Variants in CDH7 observed in about 807,000 individuals in gnomAD.
CDH7 encodes cadherin 7, also known as cadherin-7.
In CDH7, 25 loss-of-function variants were observed where a neutral mutation model predicts 71.8. The observed-to-expected ratio is 0.35, with a 90% CI of 0.25 to 0.49. The LOEUF is 0.49. CDH7 is among the 20% of genes least tolerant of loss of function. CDH7 has a pLI of 0.99. For missense variants in CDH7, 862 were observed against 974.6 expected (o/e 0.88, Z 1.54); for synonymous variants, 381 against 363.8 (o/e 1.05, Z -0.54).
At chr18:65,841,464 T>A (rs1912730265) in intron 6 of CDH7, among the ~76,000 whole-genome samples, 1 of 152,190 alleles carries the variant, frequency 6.6e-6, no homozygotes, top group African/African-American at 2.4e-5. Context: ...ACAAATCGGA[T>A]TTCTAAGTAT....
At chr18:65,752,336 A>C (rs995649895) in intron 1 of CDH7, among the ~76,000 whole-genome samples, 2 of 152,258 alleles carry the variant, frequency 1.3e-5, no homozygotes, top group Non-Finnish European at 2.9e-5. Context: ...TGTGTATTTT[A>C]AGAGTTTAAG....
intron 2 of CDH7, among the ~76,000 whole-genome samples, chr18:65,763,591 G>A (rs917165825): frequency 1.4e-4 from 12 of 87,030 alleles, no homozygotes; most frequent in Admixed American, 1.9e-4. Flanking sequence ...GTTTTGATAG[G>A]GGGGTGTGTG....
intron 2 of CDH7, among the ~76,000 whole-genome samples, chr18:65,793,280 A>G (rs1910779937): frequency 6.6e-6 from 1 of 151,944 alleles, no homozygotes; most frequent in African/African-American, 2.4e-5. Context: ...AAAAAATATA[A>G]AAATTGGCTG....
rs146525397 is a variant in CDH7 at position 65,777,759 on chromosome 18, A to T, written c.210+14707A>T. Among the ~76,000 whole-genome samples, 736 of 152,256 alleles carry T rather than the reference A, an allele frequency of 4.8e-3. 5 individuals are homozygous for T. Among genetic ancestry groups the T allele is most frequent in the African/African-American group, 0.017 (694 of 41,544 alleles). On this transcript the variant is annotated intron_variant, in intron 2 of 11. Transcript: ENST00000397968. ...AGTATATAAGAATATGGCCATTACA[A>T]GTGCCACCTTTGTTGGTTTGTTGCA...
rs184196467 is a variant in CDH7 at position 65,839,381 on chromosome 18, G to A, written c.982-4431G>A. Among the ~76,000 whole-genome samples, 246 of 152,218 alleles carry A rather than the reference G, an allele frequency of 1.6e-3. 2 individuals carry two copies. The highest frequency in any genetic ancestry group is 5.7e-3 in the African/African-American group (235 of 41,536). On this transcript the variant is annotated intron_variant, in intron 6 of 11. Transcript: ENST00000397968. ...TGTGTCCTCTCATGGCAGAAGGGGT[G>A]AGGGAGCTCTCTGAGGTCTCATTTA...
At chr18:65,841,807 C>T (rs923108108) in intron 6 of CDH7, among the ~76,000 whole-genome samples, 1 of 152,078 alleles carries the variant, frequency 6.6e-6, no homozygotes, top group Non-Finnish European at 1.5e-5. Context: ...AGGGGCCACA[C>T]ATATTTTAGA....
chr18:65,859,119 A>C, intron 9 of CDH7, 73 bp downstream of exon 9: 2 of 1,385,070 alleles, frequency 1.4e-6, no homozygotes. Context: ...TTGCCTTTGA[A>C]ATTCTTCCAG....
chr18:65,870,295 G>A (rs12606432), intron 11 of CDH7, among the ~76,000 whole-genome samples: 94,505 of 152,006 alleles, frequency 0.62, 31,829 homozygotes, highest in East Asian at 0.92. Context: ...TTAGCCTTGT[G>A]TTACTGGGGA....
In CDH7 at chr18:65,880,971, A is replaced by G; in HGVS notation, c.*77A>G. On this transcript the variant is annotated 3_prime_UTR_variant, in exon 12 of 12. Coordinates refer to ENST00000397968, the MANE Select transcript of CDH7 (RefSeq NM_004361.5). ...AAAATAAAATGAAATAAAATAATAAACCACTACATACAGAAAACAAGAACT... is the reference window on the plus strand; with the variant it reads ...AAAATAAAATGAAATAAAATAATAAGCCACTACATACAGAAAACAAGAACT... The G allele has an allele frequency of 7.4e-7, 1 of 1,360,328 alleles. No individual in the cohort carries two copies. Among genetic ancestry groups the G allele is most frequent in the Admixed American group, 2.5e-5 (1 of 40,722 alleles). The allele number at this position is 1,360,328 out of a possible 1,614,324, so 84.3% of individuals were successfully genotyped here.
At chr18:65,823,419 A>C (rs1418732130) in intron 5 of CDH7, among the ~76,000 whole-genome samples, 1 of 151,854 alleles carries the variant, frequency 6.6e-6, no homozygotes, top group African/African-American at 2.4e-5. Flanking sequence ...AGATTGATAA[A>C]ATTATGTAGA....
At chr18:65,874,592 T>C (rs1914019380) in intron 11 of CDH7, among the ~76,000 whole-genome samples, 1 of 152,046 alleles carries the variant, frequency 6.6e-6, no homozygotes, top group East Asian at 1.9e-4. Flanking sequence ...TTGGGTAATG[T>C]ACACCAAAAG....
chr18:65,796,290 A>G (rs1015205952), intron 2 of CDH7, among the ~76,000 whole-genome samples: 2 of 152,108 alleles, frequency 1.3e-5, no homozygotes, highest in Non-Finnish European at 2.9e-5. Flanking sequence ...CCATTACTAA[A>G]TAGACATTTT....
chr18:65,795,945 G>GC, intron 2 of CDH7, among the ~76,000 whole-genome samples: 1 of 149,934 alleles, frequency 6.7e-6, no homozygotes, highest in East Asian at 1.9e-4. Context: ...TCTCTCTCCT[G>GC]CCCCCCTGTG....
intron 6 of CDH7, among the ~76,000 whole-genome samples, chr18:65,836,696 T>C (rs1044018083): frequency 1.3e-5 from 2 of 151,496 alleles, no homozygotes; most frequent in African/African-American, 4.8e-5. Flanking sequence ...ATAATAATAA[T>C]AATAATGACT....
At position 65,884,441 on chromosome 18, in the gene CDH7, A is replaced by G. The variant is rs184062969; in HGVS notation, c.*3547A>G. 2 of 152,276 alleles carry G rather than the reference A, an allele frequency of 1.3e-5. No individual in the cohort carries two copies. Among genetic ancestry groups the G allele is most frequent in the East Asian group, 3.9e-4 (2 of 5,182 alleles). 9.4% of individuals were successfully genotyped at this position (152,276 alleles called of 1,614,324 possible). A position where few individuals can be genotyped will look rare whatever the true frequency, so the allele number is the denominator to read the frequency against. ...TGACTACAATTGAGGTTAGTTGTCT[A>G]CAAGATACATGCAGGAGGTAGTAGT... On this transcript the variant is annotated 3_prime_UTR_variant, in exon 12 of 12. Transcript: ENST00000397968.
At chr18:65,781,866 C>A (rs1269023691) in intron 2 of CDH7, among the ~76,000 whole-genome samples, 1 of 59,710 alleles carries the variant, frequency 1.7e-5, no homozygotes, top group African/African-American at 9.7e-5. Flanking sequence ...TTCTTTCTTT[C>A]TCTCTCTCTC....
intron 6 of CDH7, among the ~76,000 whole-genome samples, chr18:65,833,590 A>T (rs34255831): frequency 1.3e-5 from 2 of 152,242 alleles, no homozygotes; most frequent in South Asian, 4.1e-4. Flanking sequence ...TATATTTTCC[A>T]CTTAATTCAA....
chr18:65,785,243 A>ATT (rs1910470503), intron 2 of CDH7, among the ~76,000 whole-genome samples: 1 of 152,142 alleles, frequency 6.6e-6, no homozygotes, highest in African/African-American at 2.4e-5. Context: ...TGTCATATAT[A>ATT]TATATATTAT....
intron 10 of CDH7, 36 bp from the exon 11 acceptor site, chr18:65,862,630 A>C: frequency 6.3e-7 from 1 of 1,597,078 alleles, no homozygotes; most frequent in South Asian, 1.1e-5. Context: ...ATTCCATCAG[A>C]AATCTGGTGT....
Sources: allele counts gnomAD v4.1 joint callset (sites outside exome capture counted in the v4.1 genomes callset), GRCh38; gene constraint gnomAD v4.1.1; transcripts MANE v1.5; gene names NCBI Gene and HGNC (gene_info 2026-07-23, HGNC 2026-07-21).